OGDHL: variants seen among roughly 807,000 people sequenced by gnomAD.
The protein encoded by OGDHL is oxoglutarate dehydrogenase L.
A neutral mutation model predicts 109.6 loss-of-function variants in OGDHL; 79 were observed. The observed-to-expected ratio is 0.72, with a 90% CI of 0.60 to 0.87. OGDHL has a LOEUF of 0.87. Ranked by LOEUF, OGDHL falls within the 40% of genes least tolerant of loss-of-function variation. OGDHL has a pLI of 0.00. For synonymous variants in OGDHL, 528 were observed against 537.2 expected (o/e 0.98, Z 0.24); for missense variants, 1,275 against 1,362.2 (o/e 0.94, Z 1.01).
At chr10:49,747,380 T>C (rs536764967) in intron 8 of OGDHL, among the ~76,000 whole-genome samples, 172 bp from the exon 9 acceptor site, 1 of 152,238 alleles carries the variant, frequency 6.6e-6, no homozygotes, top group Admixed American at 6.5e-5. Context: ...CCCTCCTCAC[T>C]GGCCTGAGGG....
intron 10 of OGDHL, among the ~76,000 whole-genome samples, 186 bp downstream of exon 10, chr10:49,746,564 C>T (rs1488152353): frequency 6.6e-6 from 1 of 152,226 alleles, no homozygotes; most frequent in African/African-American, 2.4e-5. Context: ...CCCTACTTAT[C>T]CCTCCCTATT....
chr10:49,758,747 C>T (rs1843076439), intron 1 of OGDHL, 154 bp from the exon 2 acceptor site: 2 of 742,950 alleles, frequency 2.7e-6, no homozygotes, highest in Admixed American at 4.7e-5. Flanking sequence ...GACACTCTCC[C>T]AGCCCCCTGG....
intron 1 of OGDHL, among the ~76,000 whole-genome samples, chr10:49,759,452 C>T (rs981557474): frequency 7.9e-5 from 12 of 152,070 alleles, no homozygotes; most frequent in Admixed American, 3.3e-4. Context: ...CTGTGCCTTC[C>T]CAGGGAAAAT....
intron 3 of OGDHL, among the ~76,000 whole-genome samples, chr10:49,752,993 T>C (rs1842706288): frequency 1.3e-5 from 2 of 152,254 alleles, no homozygotes; most frequent in Admixed American, 6.5e-5. Context: ...ACAAAGGTGT[T>C]CACTGCGGTG....
chr10:49,758,159 A>C (rs1238752319), intron 2 of OGDHL, among the ~76,000 whole-genome samples: 2 of 152,268 alleles, frequency 1.3e-5, no homozygotes, highest in Non-Finnish European at 2.9e-5. Flanking sequence ...GGCAGGGCTC[A>C]GGTGTGGCTG....
chr10:49,751,227 C>T (rs1842568627), intron 6 of OGDHL, among the ~76,000 whole-genome samples: 1 of 152,150 alleles, frequency 6.6e-6, no homozygotes, highest in Non-Finnish European at 1.5e-5. Flanking sequence ...TCTGCCTACA[C>T]CCCTTCCCAG....
intron 3 of OGDHL, among the ~76,000 whole-genome samples, chr10:49,754,267 G>A (rs1842783576): frequency 1.3e-5 from 2 of 152,280 alleles, no homozygotes; most frequent in Non-Finnish European, 2.9e-5. Context: ...CTGGGAATAA[G>A]GACAAGTTTT....
In OGDHL at chr10:49,735,132, C is replaced by A; in HGVS notation, c.*96G>T. On this transcript the variant is annotated 3_prime_UTR_variant, in exon 23 of 23. Transcript: ENST00000374103. ...TCTGTTTTATCCTGGGGCCCCACAG[C>A]CCCTCTCCTGGGCAGGAGCTCCGCC... 1 of 1,520,786 alleles carries A rather than the reference C, an allele frequency of 6.6e-7. No individual in the cohort carries two copies. The highest frequency in any genetic ancestry group is 8.8e-7 in the Non-Finnish European group (1 of 1,131,230). The allele number at this position is 1,520,786 out of a possible 1,614,324, so 94.2% of individuals were successfully genotyped here.
chr10:49,736,290 T>G (rs1210850641), intron 21 of OGDHL, 67 bp downstream of exon 21: 1 of 1,596,830 alleles, frequency 6.3e-7, no homozygotes, highest in Non-Finnish European at 8.5e-7. Context: ...CCTGGCACAT[T>G]GGCCAGAGCC....
intron 1 of OGDHL, among the ~76,000 whole-genome samples, chr10:49,760,111 A>C (rs977381090): frequency 6.6e-6 from 1 of 152,196 alleles, no homozygotes; most frequent in African/African-American, 2.4e-5. Context: ...ATGTCACCTC[A>C]ATGGAGGGAG....
Position 49,747,147 on chromosome 10 carries a change from T to G in OGDHL, c.1049A>C (p.Asn350Thr). Reference protein sequence around the residue: ...MYHERINRVTNRNITLSLVAN... With the variant: ...MYHERINRVTTRNITLSLVAN... Reference sequence around the variant, plus strand: ...AACCAGCGACAGAGTGATGTTCCGGTTGGTGACGCGGTTGATCCTCTCATG... The same window carrying G: ...AACCAGCGACAGAGTGATGTTCCGGGTGGTGACGCGGTTGATCCTCTCATG... Residue 350 changes from asparagine (N) to threonine (T), a missense_variant, in exon 9 of 23, where the codon AAC (asparagine) becomes ACC (threonine). Asn to Thr is a moderately conservative substitution (Grantham distance 65). Coordinates refer to ENST00000374103, the MANE Select transcript of OGDHL (RefSeq NM_018245.3). 6.2e-7 allele frequency: 1 copy of G among 1,614,178 alleles called. No individual in the cohort carries two copies. The highest frequency in any genetic ancestry group is 8.5e-7 in the Non-Finnish European group (1 of 1,179,998).
At chr10:49,748,745 C>CACACACAT (rs1172186507) in intron 8 of OGDHL, among the ~76,000 whole-genome samples, 1 of 127,094 alleles carries the variant, frequency 7.9e-6, no homozygotes, top group African/African-American at 2.8e-5. Context: ...TATGGGTCCA[C>CACACACAT]ACACACACAC....
chr10:49,741,973 A>ACACACAC (rs1841713224), intron 15 of OGDHL, among the ~76,000 whole-genome samples: 2 of 103,560 alleles, frequency 1.9e-5, no homozygotes, highest in East Asian at 1.1e-3. Context: ...TACATACACT[A>ACACACAC]CACACACACA....
intron 16 of OGDHL, among the ~76,000 whole-genome samples, chr10:49,740,436 T>C (rs1841561153): frequency 6.6e-6 from 1 of 152,060 alleles, no homozygotes; most frequent in African/African-American, 2.4e-5. Context: ...TTGGGCTCTC[T>C]GTCTGCGCCC....
chr10:49,746,563 T>G (rs1302987637), intron 10 of OGDHL, among the ~76,000 whole-genome samples, 187 bp downstream of exon 10: 1 of 152,126 alleles, frequency 6.6e-6, no homozygotes, highest in Non-Finnish European at 1.5e-5. Flanking sequence ...GCCCTACTTA[T>G]CCCTCCCTAT....
At chr10:49,754,276 T>G (rs1162908565) in intron 3 of OGDHL, among the ~76,000 whole-genome samples, 1 of 152,208 alleles carries the variant, frequency 6.6e-6, no homozygotes, top group Non-Finnish European at 1.5e-5. Flanking sequence ...AGGACAAGTT[T>G]TGAGCAACTA....
At chr10:49,753,850 A>G (rs1323782064) in intron 3 of OGDHL, among the ~76,000 whole-genome samples, 2 of 147,746 alleles carry the variant, frequency 1.4e-5, no homozygotes, top group Non-Finnish European at 3.0e-5. Context: ...AGGTCGCACC[A>G]CTGCGCTCTA....
intron 3 of OGDHL, among the ~76,000 whole-genome samples, chr10:49,752,955 C>A (rs1045520721): frequency 6.6e-6 from 1 of 152,212 alleles, no homozygotes; most frequent in South Asian, 2.1e-4. Context: ...ACAACATGCA[C>A]GGGCAAAAAC....
Position 49,745,496 on chromosome 10 carries a change from C to T in OGDHL, c.1477G>A (p.Val493Ile). The change falls in exon 12 of 23, where the codon GTC (valine) becomes ATC (isoleucine). Residue 493 changes from valine to isoleucine, a missense_variant and splice_region_variant. Coordinates refer to ENST00000374103, the MANE Select transcript of OGDHL (RefSeq NM_018245.3). The part of the protein sequence containing the change: ...TFNKDVVVDL[V>I]CYRRRGHNEM... ...TTGTGGCCACGCCGGCGGTAACAGA[C>T]CTGCAGGAGCAGCCAGAGGGGCTCA... 1 of 1,613,732 alleles carries T rather than the reference C, an allele frequency of 6.2e-7. No homozygotes were observed. Among genetic ancestry groups the T allele is most frequent in the African/African-American group, 1.3e-5 (1 of 75,054 alleles).
Sources: gnomAD v4.1 joint callset for allele counts (sites outside exome capture counted in the v4.1 genomes callset) on GRCh38, gnomAD v4.1.1 for gene constraint, MANE v1.5 for transcripts, NCBI Gene and HGNC (gene_info 2026-07-23, HGNC 2026-07-21) for gene names.